Variants in FOXJ3 observed in about 807,000 individuals in gnomAD.
The protein encoded by FOXJ3 is forkhead box protein J3.
FOXJ3 carries 22 observed loss-of-function variants against 76.1 expected under a neutral mutation model. The observed-to-expected ratio is 0.29, with a 90% CI of 0.21 to 0.41. The LOEUF is 0.41. Ranked by LOEUF, FOXJ3 falls within the 10% of genes least tolerant of loss-of-function variation. The probability of loss-of-function intolerance (pLI) is 1.00; values close to 1 mark genes in which losing one functional copy is unlikely to be tolerated. For missense variants in FOXJ3, 613 were observed against 762.1 expected (o/e 0.80, Z 2.30); for synonymous variants, 269 against 261.2 (o/e 1.03, Z -0.29).
chr1:42,299,518 T>C (rs552865538), intron 2 of FOXJ3, among the ~76,000 whole-genome samples: 1 of 152,058 alleles, frequency 6.6e-6, no homozygotes, highest in East Asian at 1.9e-4. Flanking sequence ...GGGGGTCTCT[T>C]GCTGGCAGCA....
chr1:42,230,689 G>T (rs1648012004), intron 4 of FOXJ3, among the ~76,000 whole-genome samples: 1 of 152,124 alleles, frequency 6.6e-6, no homozygotes, highest in South Asian at 2.1e-4. Flanking sequence ...CAAATTTTCA[G>T]ATTAAGGATG....
At chr1:42,255,840 G>A (rs1650543899) in intron 4 of FOXJ3, among the ~76,000 whole-genome samples, 1 of 152,050 alleles carries the variant, frequency 6.6e-6, no homozygotes, top group African/African-American at 2.4e-5. Context: ...GGCCAATATA[G>A]TGAAACCCCG....
At chr1:42,238,207 A>G (rs530324948) in intron 4 of FOXJ3, among the ~76,000 whole-genome samples, 5 of 151,514 alleles carry the variant, frequency 3.3e-5, no homozygotes, top group African/African-American at 9.7e-5. Context: ...TAATTTTTCT[A>G]TATTTTTAGT....
chr1:42,187,877 A>G (rs1048789419), intron 11 of FOXJ3, among the ~76,000 whole-genome samples: 2 of 152,328 alleles, frequency 1.3e-5, no homozygotes, highest in East Asian at 3.9e-4. Flanking sequence ...AAGCTATTCA[A>G]CGTGGAAGAA....
intron 1 of FOXJ3, chr1:42,323,623 A>G: frequency 1.3e-6 from 1 of 776,806 alleles, no homozygotes; most frequent in South Asian, 5.9e-5. Context: ...TCTTCTCAGT[A>G]AACCCATAGC....
At chr1:42,327,302 A>G (rs1051283357) in intron 1 of FOXJ3, among the ~76,000 whole-genome samples, 3 of 152,202 alleles carry the variant, frequency 2.0e-5, no homozygotes, top group African/African-American at 7.2e-5. Flanking sequence ...CTATCCTAGC[A>G]GAAAGAGACG....
At chr1:42,323,832 GA>G (rs1655573818) in intron 1 of FOXJ3, 1 of 283,942 alleles carries the variant, frequency 3.5e-6, no homozygotes. Context: ...GAAGAACTAA[GA>G]AAAAAAGATG....
chr1:42,273,177 T>TTA (rs1240385374), intron 3 of FOXJ3, among the ~76,000 whole-genome samples: 1 of 152,180 alleles, frequency 6.6e-6, no homozygotes, highest in Non-Finnish European at 1.5e-5. Flanking sequence ...AGTCAACTAT[T>TTA]TATAGCACAG....
At chr1:42,256,864 T>C (rs1337181032) in intron 4 of FOXJ3, among the ~76,000 whole-genome samples, 1 of 152,236 alleles carries the variant, frequency 6.6e-6, no homozygotes, top group Non-Finnish European at 1.5e-5. Context: ...CATAGATTCA[T>C]ATGATGGAAT....
At chr1:42,212,132 C>T (rs1189796620) in intron 5 of FOXJ3, among the ~76,000 whole-genome samples, 1 of 152,030 alleles carries the variant, frequency 6.6e-6, no homozygotes, top group Non-Finnish European at 1.5e-5. Flanking sequence ...CACGTGCCTG[C>T]AGTCCCAGCT....
At chr1:42,183,836 C>T (rs2124131124) in intron 11 of FOXJ3, among the ~76,000 whole-genome samples, 1 of 152,160 alleles carries the variant, frequency 6.6e-6, no homozygotes, top group African/African-American at 2.4e-5. Flanking sequence ...CTAATCTGAC[C>T]TTACCTCTGT....
chr1:42,245,145 A>G (rs1246700727), intron 4 of FOXJ3, among the ~76,000 whole-genome samples: 1 of 137,964 alleles, frequency 7.2e-6, no homozygotes, highest in African/African-American at 2.8e-5. Context: ...GCACTACTGC[A>G]CTCCAGCCTG....
chr1:42,333,515 ATCC>A (rs1437467662), intron 1 of FOXJ3, among the ~76,000 whole-genome samples: 6 of 152,148 alleles, frequency 3.9e-5, no homozygotes, highest in Admixed American at 2.0e-4. Context: ...AAAAAGAGAA[ATCC>A]TCCTATTTAT....
At chr1:42,306,141 T>G (rs1239581429) in intron 2 of FOXJ3, among the ~76,000 whole-genome samples, 1 of 152,218 alleles carries the variant, frequency 6.6e-6, no homozygotes, top group African/African-American at 2.4e-5. Context: ...TTCAGTAAGC[T>G]GTTGCTCTTA....
At chr1:42,246,363 C>CA (rs1159716672) in intron 4 of FOXJ3, among the ~76,000 whole-genome samples, 3 of 151,222 alleles carry the variant, frequency 2.0e-5, no homozygotes, top group Admixed American at 6.6e-5. Context: ...AAAAAGTGGG[C>CA]AAAAAAACAT....
intron 12 of FOXJ3, among the ~76,000 whole-genome samples, chr1:42,180,463 A>AC (rs34796854): frequency 0.026 from 3,864 of 149,994 alleles, 83 homozygotes; most frequent in African/African-American, 0.066. Context: ...ATCTTGACAG[A>AC]CCCCCCCCTT....
At chr1:42,295,873 C>T (rs78555273) in intron 2 of FOXJ3, among the ~76,000 whole-genome samples, 1 of 152,190 alleles carries the variant, frequency 6.6e-6, no homozygotes, top group South Asian at 2.1e-4. Flanking sequence ...GGCAGATACC[C>T]CCAGTAGTGT....
At chr1:42,236,462 T>G (rs1259623880) in intron 4 of FOXJ3, among the ~76,000 whole-genome samples, 1 of 152,200 alleles carries the variant, frequency 6.6e-6, no homozygotes, top group African/African-American at 2.4e-5. Flanking sequence ...TCCCAAGCAC[T>G]AGGATTACAG....
chr1:42,272,390 T>A (rs1651928453), intron 3 of FOXJ3, among the ~76,000 whole-genome samples: 1 of 152,230 alleles, frequency 6.6e-6, no homozygotes, highest in African/African-American at 2.4e-5. Flanking sequence ...AGGTTCCATC[T>A]GTCTCCACTC....
Sources: allele counts gnomAD v4.1 joint callset (sites outside exome capture counted in the v4.1 genomes callset), GRCh38; gene constraint gnomAD v4.1.1; transcripts MANE v1.5; gene names NCBI Gene and HGNC (gene_info 2026-07-23, HGNC 2026-07-21).